BCAS4: variants seen among roughly 807,000 people sequenced by gnomAD.
The protein encoded by BCAS4 is breast carcinoma-amplified sequence 4.
In BCAS4, 9 loss-of-function variants were observed where a neutral mutation model predicts 15.7. The observed-to-expected ratio is 0.57, with a 90% CI of 0.34 to 1.00. BCAS4 has a LOEUF of 1.00. Among genes scored for constraint, BCAS4 ranks in the 50% least tolerant of loss-of-function variants. The pLI, the probability that BCAS4 is intolerant of heterozygous loss-of-function variation, is 0.02. For synonymous variants in BCAS4, 101 were observed against 99.5 expected, an observed-to-expected ratio of 1.02 and a Z score of -0.09; for missense variants, 225 against 239.1, an observed-to-expected ratio of 0.94 and a Z score of 0.39.
intron 4 of BCAS4, among the ~76,000 whole-genome samples, chr20:50,871,024 G>A (rs1324209972): frequency 1.3e-5 from 2 of 152,248 alleles, no homozygotes; most frequent in Admixed American, 6.5e-5. Context: ...CAAAGGGTTG[G>A]ACGCACCTCC....
chr20:50,801,413 G>A (rs1450305344), intron 1 of BCAS4, among the ~76,000 whole-genome samples: 1 of 152,134 alleles, frequency 6.6e-6, no homozygotes, highest in Non-Finnish European at 1.5e-5. Flanking sequence ...GGTGACAAGA[G>A]TGAGACTCTG....
At chr20:50,833,963 A>G (rs2088375459) in intron 3 of BCAS4, among the ~76,000 whole-genome samples, 1 of 152,198 alleles carries the variant, frequency 6.6e-6, no homozygotes, top group Admixed American at 6.5e-5. Flanking sequence ...GATTTGGTGC[A>G]GGAATCCTGG....
Position 50,841,934 on chromosome 20 carries a change from C to T in BCAS4, c.399+34C>T, listed in dbSNP as rs369934786. ...CCTGCCCCGAGAAGTGAGGGGAGGG[C>T]CTCTCCCCCTTCGCTCCGCAGACCC... is the stretch of plus-strand genomic sequence containing the variant. On this transcript the variant is annotated intron_variant, in intron 4 of 4. Coordinates refer to ENST00000371608, the MANE Select transcript of BCAS4 (RefSeq NM_198799.4). The T allele has an allele frequency of 3.9e-6, 6 of 1,529,884 alleles. No homozygotes were observed. The African/African-American group carries it at 8.4e-5, about 21-fold the overall frequency. The allele number at this position is 1,529,884 out of a possible 1,614,324, so 94.8% of individuals were successfully genotyped here. A position where few individuals can be genotyped will look rare whatever the true frequency, so the allele number is the denominator to read the frequency against.
intron 4 of BCAS4, among the ~76,000 whole-genome samples, chr20:50,864,922 C>T (rs1022345891): frequency 2.0e-4 from 31 of 151,292 alleles, no homozygotes; most frequent in African/African-American, 6.1e-4. Flanking sequence ...GGTGAAACCC[C>T]GTCTCTACTA....
At chr20:50,845,616 C>A (rs2088534357) in intron 4 of BCAS4, among the ~76,000 whole-genome samples, 1 of 152,224 alleles carries the variant, frequency 6.6e-6, no homozygotes, top group Non-Finnish European at 1.5e-5. Context: ...CACTGCCCCC[C>A]TGAGGCAGGT....
intron 4 of BCAS4, among the ~76,000 whole-genome samples, chr20:50,852,022 G>A (rs1368692976): frequency 6.6e-6 from 1 of 152,204 alleles, no homozygotes; most frequent in Non-Finnish European, 1.5e-5. Flanking sequence ...GAGTGTTCTG[G>A]GCTGTCTTTG....
chr20:50,803,819 A>G lies in BCAS4; in HGVS notation c.90+8646A>G, dbSNP rs866754157. Among the ~76,000 whole-genome samples, 1,128 of 150,160 alleles carry G rather than the reference A, an allele frequency of 7.5e-3. 13 individuals carry two copies. Among genetic ancestry groups the G allele is most frequent in the African/African-American group, 0.026 (1,034 of 40,066 alleles). ...AGACTCCCAAAAAAAAAAAAAAAAAAAGAGAGAGAAAAATACTGATTGCTT... is the reference window on the plus strand; with the variant it reads ...AGACTCCCAAAAAAAAAAAAAAAAAGAGAGAGAGAAAAATACTGATTGCTT... On this transcript the variant is annotated intron_variant, in intron 1 of 4. Coordinates refer to ENST00000371608, the MANE Select transcript of BCAS4 (RefSeq NM_198799.4).
In BCAS4 at chr20:50,876,581, C is replaced by A. The variant is rs776820918; in HGVS notation, c.495C>A (p.His165Gln). 23 of 1,613,988 alleles carry A rather than the reference C, an allele frequency of 1.4e-5. No homozygotes were observed. The South Asian group carries it at 2.0e-4, about 14-fold the overall frequency. Residue 165 changes from histidine (H) to glutamine (Q), a missense_variant, in exon 5 of 5, where the codon CAC becomes CAA. Coordinates refer to ENST00000371608, the MANE Select transcript of BCAS4 (RefSeq NM_198799.4). ...TGGACGCCGGGGAAGCACAGCACCA[C>A]CCCCGCACCTGCCCTCGGCCTTTGT... ...FPVDAGEAQH[H>Q]PRTCPRPL is the part of the protein sequence containing the mutation.
chr20:50,817,675 T>C (rs1164057135), intron 1 of BCAS4, among the ~76,000 whole-genome samples: 7 of 152,166 alleles, frequency 4.6e-5, no homozygotes, highest in Non-Finnish European at 8.8e-5. Flanking sequence ...TTGGTCAGGC[T>C]GGTCTCAAAC....
intron 4 of BCAS4, among the ~76,000 whole-genome samples, chr20:50,865,025 G>A (rs778723805): frequency 2.0e-5 from 3 of 152,052 alleles, no homozygotes; most frequent in South Asian, 4.1e-4. Context: ...CCCTGGAGGC[G>A]GAGGTTGCAG....
intron 4 of BCAS4, among the ~76,000 whole-genome samples, chr20:50,850,518 G>A (rs1389183357): frequency 6.6e-6 from 1 of 152,216 alleles, no homozygotes. Context: ...GTGGTATATG[G>A]ATATATTTAA....
chr20:50,870,073 T>C (rs989810438), intron 4 of BCAS4, among the ~76,000 whole-genome samples: 3 of 152,182 alleles, frequency 2.0e-5, no homozygotes, highest in African/African-American at 7.2e-5. Flanking sequence ...TAATAAAGTT[T>C]TATTGGCACA....
intron 4 of BCAS4, among the ~76,000 whole-genome samples, chr20:50,860,091 G>A (rs1471862038): frequency 1.3e-5 from 2 of 152,126 alleles, no homozygotes; most frequent in Non-Finnish European, 2.9e-5. Context: ...AGCTGTGATT[G>A]CACCACTGCA....
At chr20:50,808,759 G>A (rs1056298184) in intron 1 of BCAS4, among the ~76,000 whole-genome samples, 1 of 152,036 alleles carries the variant, frequency 6.6e-6, no homozygotes, top group African/African-American at 2.4e-5. Flanking sequence ...TGCATAGATT[G>A]TGAAGATTTT....
chr20:50,831,154 C>T (rs777998036), intron 3 of BCAS4, among the ~76,000 whole-genome samples: 7 of 151,762 alleles, frequency 4.6e-5, no homozygotes, highest in Admixed American at 1.3e-4. Context: ...GGAGGCTGGG[C>T]GCAGTGGCTC....
intron 4 of BCAS4, among the ~76,000 whole-genome samples, chr20:50,873,641 G>A (rs1600909024): frequency 6.6e-6 from 1 of 152,216 alleles, no homozygotes; most frequent in African/African-American, 2.4e-5. Context: ...CTCAGCTCCT[G>A]TTTGTGTTCT....
chr20:50,797,734 C>T (rs994035454), intron 1 of BCAS4, among the ~76,000 whole-genome samples: 5 of 151,720 alleles, frequency 3.3e-5, no homozygotes, highest in African/African-American at 7.3e-5. Context: ...GGTGTGATCT[C>T]GGCTCACCGC....
intron 3 of BCAS4, 134 bp downstream of exon 3, chr20:50,830,514 G>A (rs538981228): frequency 1.1e-4 from 72 of 667,052 alleles, no homozygotes; most frequent in African/African-American, 1.0e-3. Context: ...GGGAGTTGGG[G>A]AGTCTGCACT....
At chr20:50,829,590 C>T (rs777699946) in intron 2 of BCAS4, among the ~76,000 whole-genome samples, 4 of 151,876 alleles carry the variant, frequency 2.6e-5, no homozygotes, top group Admixed American at 6.6e-5. Context: ...TTTTGCACAG[C>T]GAGGATATGA....
Sources: gnomAD v4.1 joint callset for allele counts (sites outside exome capture counted in the v4.1 genomes callset) on GRCh38, gnomAD v4.1.1 for gene constraint, MANE v1.5 for transcripts, NCBI Gene and HGNC (gene_info 2026-07-23, HGNC 2026-07-21) for gene names.